Variants in SGCD observed in about 807,000 individuals in gnomAD.
SGCD encodes the protein sarcoglycan delta, also known as delta-sarcoglycan.
In SGCD, 18 loss-of-function variants were observed where a neutral mutation model predicts 36.6. The observed-to-expected ratio is 0.49, with a 90% CI of 0.34 to 0.73. SGCD has a LOEUF of 0.73. Ranked by LOEUF, SGCD falls within the 30% of genes least tolerant of loss-of-function variation. The pLI, the probability that SGCD is intolerant of heterozygous loss-of-function variation, is 0.01. For missense variants in SGCD, 387 were observed against 346.7 expected (o/e 1.12, Z -0.92); for synonymous variants, 133 against 130.6 (o/e 1.02, Z -0.12).
At chr5:156,135,811 T>C (rs1170341053) in intron 3 of SGCD, among the ~76,000 whole-genome samples, 1 of 152,194 alleles carries the variant, frequency 6.6e-6, no homozygotes, top group African/African-American at 2.4e-5. Flanking sequence ...TTTTGGGTTT[T>C]GATACACTTA....
chr5:156,297,228 G>A (rs190593697), intron 3 of SGCD, among the ~76,000 whole-genome samples: 2,032 of 152,114 alleles, frequency 0.013, 18 homozygotes, highest in Non-Finnish European at 0.021. Context: ...AAGTCAGTGT[G>A]GCGATTCCTC....
chr5:155,896,677 T>TA (rs1459595623), intron 1 of SGCD, among the ~76,000 whole-genome samples: 1 of 151,696 alleles, frequency 6.6e-6, no homozygotes, highest in Non-Finnish European at 1.5e-5. Context: ...AACAATTTTA[T>TA]AAAAAAATAA....
intron 1 of SGCD, among the ~76,000 whole-genome samples, chr5:156,077,589 C>A (rs1561709719): frequency 6.6e-6 from 1 of 152,162 alleles, no homozygotes. Context: ...ACTTTTGACT[C>A]ATGGGGTATA....
the SGCD span, among the ~76,000 whole-genome samples, chr5:155,852,807 A>G: frequency 6.6e-6 from 1 of 152,156 alleles, no homozygotes; most frequent in African/African-American, 2.4e-5. Context: ...GATGTCTTAC[A>G]TCATAGATGC....
intron 4 of SGCD, among the ~76,000 whole-genome samples, chr5:156,579,633 C>A (rs1016226192): frequency 2.0e-5 from 3 of 152,070 alleles, no homozygotes; most frequent in Admixed American, 6.6e-5. Flanking sequence ...TAGTTAGCTC[C>A]TCTTATTGAC....
chr5:156,469,821 C>T (rs1489105209), intron 3 of SGCD, among the ~76,000 whole-genome samples: 1 of 152,108 alleles, frequency 6.6e-6, no homozygotes, highest in African/African-American at 2.4e-5. Flanking sequence ...GTAATGAATA[C>T]TTGGTTTGAC....
chr5:156,330,887 T>G (rs1241715975), intron 2 of SGCD, among the ~76,000 whole-genome samples: 2 of 152,206 alleles, frequency 1.3e-5, no homozygotes, highest in African/African-American at 4.8e-5. Flanking sequence ...ATAGGCAAGT[T>G]ACATCATCTC....
chr5:156,034,667 A>T (rs1561690242), intron 1 of SGCD, among the ~76,000 whole-genome samples: 1 of 152,170 alleles, frequency 6.6e-6, no homozygotes, highest in Non-Finnish European at 1.5e-5. Context: ...CAGTATAAAA[A>T]CCAGGAAAGT....
At chr5:155,783,284 G>A in the SGCD span, among the ~76,000 whole-genome samples, 1 of 152,114 alleles carries the variant, frequency 6.6e-6, no homozygotes, top group Non-Finnish European at 1.5e-5. Context: ...AAAGAAGGAC[G>A]AATGACAGAA....
At chr5:156,622,836 C>G (rs1181302126) in intron 6 of SGCD, among the ~76,000 whole-genome samples, 1 of 152,044 alleles carries the variant, frequency 6.6e-6, no homozygotes, top group Non-Finnish European at 1.5e-5. Context: ...ACGTGAGTGT[C>G]TCTGAGGAAA....
chr5:155,910,042 C>T (rs993632101), intron 1 of SGCD, among the ~76,000 whole-genome samples: 2 of 151,582 alleles, frequency 1.3e-5, no homozygotes, highest in Non-Finnish European at 2.9e-5. Flanking sequence ...CTCAACTATT[C>T]CTTAAGACAG....
chr5:156,453,830 A>T (rs1156443633), intron 3 of SGCD, among the ~76,000 whole-genome samples: 1 of 152,204 alleles, frequency 6.6e-6, no homozygotes, highest in East Asian at 1.9e-4. Flanking sequence ...ATTAATCTCC[A>T]CACCATTACA....
At chr5:156,037,218 G>A (rs1035685795) in intron 1 of SGCD, among the ~76,000 whole-genome samples, 4 of 152,214 alleles carry the variant, frequency 2.6e-5, no homozygotes, top group Admixed American at 6.5e-5. Context: ...TATTCTGGGA[G>A]GTGGGTGAAA....
chr5:156,162,083 C>T (rs1480802998), intron 3 of SGCD, among the ~76,000 whole-genome samples: 3 of 143,358 alleles, frequency 2.1e-5, no homozygotes, highest in East Asian at 2.1e-4. Flanking sequence ...CAGAATTTAC[C>T]TGCTAATGAG....
chr5:156,350,247 T>TAATAATA (rs1769170083), intron 3 of SGCD, among the ~76,000 whole-genome samples: 1 of 95,782 alleles, frequency 1.0e-5, no homozygotes, highest in Admixed American at 1.0e-4. Context: ...GGAAAAAAAA[T>TAATAATA]TATATATATA....
chr5:156,247,551 A>G (rs1393015250), intron 3 of SGCD, among the ~76,000 whole-genome samples: 1 of 152,222 alleles, frequency 6.6e-6, no homozygotes, highest in East Asian at 1.9e-4. Context: ...GATGCTAGAA[A>G]TAAGAGATCT....
chr5:155,777,532 T>A, the SGCD span, among the ~76,000 whole-genome samples: 3 of 152,070 alleles, frequency 2.0e-5, no homozygotes, highest in South Asian at 6.2e-4. Context: ...AATTTTTGTA[T>A]TTTTTTGCGG....
At chr5:156,025,774 A>G (rs918471208) in intron 1 of SGCD, among the ~76,000 whole-genome samples, 3 of 152,212 alleles carry the variant, frequency 2.0e-5, no homozygotes, top group Admixed American at 6.5e-5. Flanking sequence ...ACTAATCTCA[A>G]TGTCGGGAAA....
intron 3 of SGCD, among the ~76,000 whole-genome samples, chr5:156,491,059 A>G (rs1755916442): frequency 6.6e-6 from 1 of 152,120 alleles, no homozygotes; most frequent in African/African-American, 2.4e-5. Flanking sequence ...AACTAGCTGA[A>G]AAAGAAATGA....
Sources: gnomAD v4.1 joint callset for allele counts (sites outside exome capture counted in the v4.1 genomes callset) on GRCh38, gnomAD v4.1.1 for gene constraint, MANE v1.5 for transcripts, NCBI Gene and HGNC (gene_info 2026-07-23, HGNC 2026-07-21) for gene names.